Variants in ZNF536 observed in about 807,000 individuals in gnomAD.
ZNF536 encodes the protein zinc finger protein 536.
Under a neutral mutation model 84.5 loss-of-function variants are expected in ZNF536, and 13 were observed. The ratio of observed to expected loss-of-function variants is 0.15; its 90% confidence interval spans 0.10 to 0.24. The LOEUF (loss-of-function observed/expected upper bound fraction) is 0.24, where lower values mean the gene tolerates loss of function less well. Among genes scored for constraint, ZNF536 ranks in the 10% least tolerant of loss-of-function variants. The pLI is 1.00. For synonymous variants in ZNF536, 811 were observed against 742.5 expected, an observed-to-expected ratio of 1.09 and a Z score of -1.50; for missense variants, 1,536 against 1,747.5, an observed-to-expected ratio of 0.88 and a Z score of 2.16.
chr19:30,252,277 T>TA (rs1039404316), intron 1 of ZNF536, among the ~76,000 whole-genome samples: 16 of 152,268 alleles, frequency 1.1e-4, no homozygotes, highest in African/African-American at 3.6e-4. Context: ...ATGACCATAA[T>TA]AAAAAAACTT....
intron 1 of ZNF536, among the ~76,000 whole-genome samples, chr19:30,636,452 T>C (rs2049068135): frequency 6.6e-6 from 1 of 152,034 alleles, no homozygotes; most frequent in Admixed American, 6.6e-5. Context: ...TGTGAAAAAA[T>C]GATGATTTCC....
chr19:30,236,147 T>C (rs2023481925), intron 1 of ZNF536, among the ~76,000 whole-genome samples: 1 of 152,222 alleles, frequency 6.6e-6, no homozygotes. Flanking sequence ...TGAAAGGATT[T>C]AATCTGCGCA....
intron 2 of ZNF536, among the ~76,000 whole-genome samples, chr19:30,448,780 C>T (rs1310946733): frequency 6.6e-6 from 1 of 152,130 alleles, no homozygotes; most frequent in Non-Finnish European, 1.5e-5. Flanking sequence ...GCAGAGACGT[C>T]CTTTGTTATC....
intron 1 of ZNF536, among the ~76,000 whole-genome samples, chr19:30,572,618 C>T (rs930767156): frequency 6.6e-6 from 1 of 152,186 alleles, no homozygotes; most frequent in African/African-American, 2.4e-5. Flanking sequence ...TCTTGCACAG[C>T]GTTGGCAGAT....
intron 2 of ZNF536, among the ~76,000 whole-genome samples, chr19:30,524,708 C>T (rs1019060118): frequency 2.0e-5 from 3 of 152,114 alleles, no homozygotes; most frequent in South Asian, 2.1e-4. Context: ...CCCTCCTCCA[C>T]CCCCACCCAA....
At chr19:30,513,943 C>T (rs530876772) in intron 2 of ZNF536, among the ~76,000 whole-genome samples, 1 of 152,318 alleles carries the variant, frequency 6.6e-6, no homozygotes, top group Non-Finnish European at 1.5e-5. Context: ...CATCTGTGTG[C>T]ACTGACTGGT....
chr19:30,419,657 A>G (rs909744893), intron 1 of ZNF536, among the ~76,000 whole-genome samples: 8 of 152,244 alleles, frequency 5.3e-5, no homozygotes, highest in Admixed American at 1.3e-4. Flanking sequence ...TGAGTTTTGT[A>G]TAAGATGAGA....
At chr19:30,377,719 C>T (rs1451625318) in intron 1 of ZNF536, among the ~76,000 whole-genome samples, 2 of 152,120 alleles carry the variant, frequency 1.3e-5, no homozygotes, top group South Asian at 2.1e-4. Flanking sequence ...ATTAGGAATG[C>T]CTTTGTTCTC....
intron 1 of ZNF536, among the ~76,000 whole-genome samples, chr19:30,270,570 A>T (rs1293554419): frequency 6.6e-6 from 1 of 152,230 alleles, no homozygotes; most frequent in Non-Finnish European, 1.5e-5. Flanking sequence ...CACCGTAAAC[A>T]GGTGCACCCA....
At chr19:30,286,674 C>T (rs993084137) in intron 2 of ZNF536, among the ~76,000 whole-genome samples, 6 of 151,906 alleles carry the variant, frequency 3.9e-5, no homozygotes, top group Admixed American at 2.6e-4. Context: ...AACTTTGGCT[C>T]GAAATATGCA....
intron 2 of ZNF536, among the ~76,000 whole-genome samples, chr19:30,306,926 AAATT>A (rs1209649312): frequency 1.3e-5 from 2 of 152,232 alleles, no homozygotes; most frequent in Admixed American, 1.3e-4. Context: ...AAACCCTAGA[AAATT>A]CAGTATGTAA....
chr19:30,446,238 GACA>G (rs2052328785), intron 2 of ZNF536, among the ~76,000 whole-genome samples: 1 of 79,534 alleles, frequency 1.3e-5, no homozygotes, highest in Non-Finnish European at 2.2e-5. Flanking sequence ...GACAGAGTGA[GACA>G]CTGTCTCAAA....
chr19:30,492,291 T>C (rs915282397), intron 2 of ZNF536, among the ~76,000 whole-genome samples: 20 of 152,212 alleles, frequency 1.3e-4, no homozygotes, highest in African/African-American at 4.8e-4. Flanking sequence ...AGACATTGGA[T>C]GCATGCCAAC....
At chr19:30,296,743 C>A (rs1380061183) in intron 2 of ZNF536, among the ~76,000 whole-genome samples, 1 of 152,190 alleles carries the variant, frequency 6.6e-6, no homozygotes, top group Non-Finnish European at 1.5e-5. Context: ...GTGCTTGGGG[C>A]AGAGGCTGCG....
At chr19:30,483,346 TG>T (rs2054164483) in intron 2 of ZNF536, among the ~76,000 whole-genome samples, 1 of 152,260 alleles carries the variant, frequency 6.6e-6, no homozygotes, top group African/African-American at 2.4e-5. Context: ...GAGTCCCAGC[TG>T]GGACCTTTTC....
chr19:30,276,892 T>C (rs2145564306), intron 1 of ZNF536, among the ~76,000 whole-genome samples: 1 of 152,192 alleles, frequency 6.6e-6, no homozygotes, highest in Admixed American at 6.5e-5. Flanking sequence ...ATTTAAGGAA[T>C]ATTGTAGCAA....
rs1239948471 is a variant in ZNF536, at chr19:30,443,776, A to T, written c.214A>T (p.Met72Leu). 1 of 1,612,812 alleles carries T rather than the reference A, an allele frequency of 6.2e-7. No individual in the cohort carries two copies. The highest frequency in any genetic ancestry group is 8.5e-7 in the Non-Finnish European group (1 of 1,179,540). Residue 72 changes from methionine to leucine, a missense_variant, in exon 2 of 5, where the codon ATG (methionine) becomes TTG (leucine). This residue lies in a region of ZNF536 where 161 missense variants were observed against 178.5 expected (regional missense o/e 0.90). Coordinates refer to ENST00000355537, the MANE Select transcript of ZNF536 (RefSeq NM_014717.3). ...ASLEEKAHVPMSGQPMGSQMA... is the reference protein window; with the variant it reads ...ASLEEKAHVPLSGQPMGSQMA... Reference sequence around the variant, plus strand: ...CCTGGAGGAGAAGGCCCACGTGCCCATGAGCGGCCAGCCCATGGGCAGTCA... The same window carrying T: ...CCTGGAGGAGAAGGCCCACGTGCCCTTGAGCGGCCAGCCCATGGGCAGTCA...
chr19:30,297,106 C>A (rs1246741986), intron 2 of ZNF536, among the ~76,000 whole-genome samples: 1 of 152,186 alleles, frequency 6.6e-6, no homozygotes, highest in Non-Finnish European at 1.5e-5. Context: ...CCCTCCTCCT[C>A]CAAGAGATTT....
intron 2 of ZNF536, among the ~76,000 whole-genome samples, chr19:30,314,379 G>A (rs779603900): frequency 2.6e-5 from 4 of 152,188 alleles, no homozygotes; most frequent in East Asian, 3.9e-4. Flanking sequence ...GCCCCTCGTC[G>A]AGACAGCTCC....
Sources: gnomAD v4.1 joint callset for allele counts (sites outside exome capture counted in the v4.1 genomes callset) on GRCh38, gnomAD v4.1.1 for gene constraint, gnomAD v4.1.1 regional missense constraint, MANE v1.5 for transcripts, NCBI Gene and HGNC (gene_info 2026-07-23, HGNC 2026-07-21) for gene names.